TBC1D8: variants seen among roughly 807,000 people sequenced by gnomAD.
TBC1D8 encodes TBC1 domain family member 8, also known as BUB2-like protein 1.
TBC1D8 carries 65 observed loss-of-function variants against 118.8 expected under a neutral mutation model. The ratio of observed to expected loss-of-function variants is 0.55; its 90% CI spans 0.45 to 0.67. TBC1D8 has a LOEUF of 0.67. Among genes scored for constraint, TBC1D8 ranks in the 30% least tolerant of loss-of-function variants. The pLI is 0.00. For synonymous variants in TBC1D8, 566 were observed against 595.8 expected (o/e 0.95, Z 0.73); for missense variants, 1,376 against 1,471.2 (o/e 0.94, Z 1.06).
At chr2:101,099,040 C>T (rs776496542) in intron 1 of TBC1D8, among the ~76,000 whole-genome samples, 17 of 140,536 alleles carry the variant, frequency 1.2e-4, no homozygotes, top group South Asian at 4.4e-4. Flanking sequence ...GATAGAGACA[C>T]GAAAAACCAT....
chr2:101,028,111 G>A lies in TBC1D8; in HGVS notation c.2388C>T (p.His796=). The A allele has an allele frequency of 6.2e-7, 1 of 1,613,902 alleles. No individual in the cohort carries two copies. The highest frequency in any genetic ancestry group is 2.2e-5 in the East Asian group (1 of 44,862). ...FGDQSVEQIE[H]LRYKHRIRVL... ...CCCTGATCCTGTGCTTGTAACGTAGGTGCTCGATCTGCTCCACAGACTGGT... is the reference window on the plus strand; with the variant it reads ...CCCTGATCCTGTGCTTGTAACGTAGATGCTCGATCTGCTCCACAGACTGGT... The change falls in exon 14 of 20, where the codon CAC becomes CAT. Residue 796 remains histidine (H), a synonymous_variant. Transcript: ENST00000409318.
intron 1 of TBC1D8, among the ~76,000 whole-genome samples, chr2:101,107,581 T>C (rs1484569605): frequency 6.6e-6 from 1 of 152,190 alleles, no homozygotes; most frequent in Non-Finnish European, 1.5e-5. Flanking sequence ...TTCCTTGCTC[T>C]ATCAGGAAAA....
chr2:101,061,137 G>A (rs1024563676), intron 2 of TBC1D8, among the ~76,000 whole-genome samples: 5 of 135,988 alleles, frequency 3.7e-5, no homozygotes, highest in Non-Finnish European at 7.6e-5. Context: ...GCAGTGAGCC[G>A]AGATCACGCC....
chr2:101,113,818 C>T (rs1010656439), intron 1 of TBC1D8, among the ~76,000 whole-genome samples: 1 of 152,188 alleles, frequency 6.6e-6, no homozygotes, highest in African/African-American at 2.4e-5. Flanking sequence ...AAAACGGTTG[C>T]TCTGCGGCGG....
At chr2:101,117,997 C>T (rs1362815549) in intron 1 of TBC1D8, among the ~76,000 whole-genome samples, 1 of 151,672 alleles carries the variant, frequency 6.6e-6, no homozygotes, top group Non-Finnish European at 1.5e-5. Flanking sequence ...CAGTAACTTC[C>T]TCCTCCTTGA....
At chr2:101,059,588 T>A in intron 2 of TBC1D8, 49 bp from the exon 3 acceptor site, 1 of 1,409,980 alleles carries the variant, frequency 7.1e-7, no homozygotes, top group Non-Finnish European at 1.0e-6. Context: ...GCAATAGAAG[T>A]AATTCCTAGA....
intron 2 of TBC1D8, among the ~76,000 whole-genome samples, chr2:101,080,215 A>T (rs1675169854): frequency 6.6e-6 from 1 of 152,074 alleles, no homozygotes; most frequent in Non-Finnish European, 1.5e-5. Context: ...AGAAACGTGA[A>T]CCGCAGCACC....
At chr2:101,011,588 C>T (rs1194576482) in intron 17 of TBC1D8, 48 bp from the exon 18 acceptor site, 2 of 1,587,482 alleles carry the variant, frequency 1.3e-6, no homozygotes, top group African/African-American at 2.7e-5. Flanking sequence ...TCTGCCTTAC[C>T]AAAACTGACA....
At chr2:101,134,964 G>A (rs112509995) in intron 1 of TBC1D8, among the ~76,000 whole-genome samples, 21 of 152,304 alleles carry the variant, frequency 1.4e-4, no homozygotes, top group African/African-American at 4.8e-4. Flanking sequence ...ACAAGGTCAG[G>A]AGTTCAAGAC....
At chr2:101,089,928 A>T (rs1197891744) in intron 2 of TBC1D8, among the ~76,000 whole-genome samples, 2 of 150,320 alleles carry the variant, frequency 1.3e-5, no homozygotes, top group Non-Finnish European at 3.0e-5. Context: ...TGGTTTTTAA[A>T]AAAAAAAAAA....
At chr2:101,067,671 A>G (rs2310028) in intron 2 of TBC1D8, among the ~76,000 whole-genome samples, 116,239 of 152,118 alleles carry the variant, frequency 0.76, 45,251 homozygotes, top group Middle Eastern at 0.88. Context: ...TGCTGCTGGA[A>G]GGTCTTGCCT....
In TBC1D8 at chr2:101,007,843, T is replaced by A. The variant is rs372340498; in HGVS notation, c.3446A>T (p.Glu1149Val). The A allele has an allele frequency of 1.2e-6, 2 of 1,613,500 alleles. No individual in the cohort carries two copies. Among genetic ancestry groups the A allele is most frequent in the African/African-American group, 2.7e-5 (2 of 74,600 alleles). The change falls in exon 20 of 20, where the codon GAA (glutamate) becomes GTA (valine). Residue 1149 changes from glutamate (E) to valine (V), a missense_variant. Physicochemically the swap from Glu to Val is moderately radical, Grantham distance 121 (BLOSUM62 -2). Coordinates refer to ENST00000409318, the MANE Select transcript of TBC1D8 (RefSeq NM_001330348.2). ...TFEMSHQSQSELKLSNL is the reference protein window; with the variant it reads ...TFEMSHQSQSVLKLSNL ...TTGCTACAAGTTACTCAGCTTAAGT[T>A]CAGATTGTGATTGGTGGCTCATTTC...
intron 3 of TBC1D8, among the ~76,000 whole-genome samples, chr2:101,054,555 G>A (rs1682272688): frequency 1.3e-5 from 2 of 151,786 alleles, no homozygotes; most frequent in South Asian, 2.1e-4. Flanking sequence ...TGGCAGTCGG[G>A]GTCAGAAAAC....
At chr2:101,112,332 C>T (rs538561315) in intron 1 of TBC1D8, among the ~76,000 whole-genome samples, 1 of 152,298 alleles carries the variant, frequency 6.6e-6, no homozygotes, top group African/African-American at 2.4e-5. Context: ...CGAATCTATC[C>T]ACTTGGCCAT....
chr2:101,114,929 A>G (rs1677752452), intron 1 of TBC1D8, among the ~76,000 whole-genome samples: 1 of 152,208 alleles, frequency 6.6e-6, no homozygotes, highest in Admixed American at 6.5e-5. Context: ...AGTTGGCCCC[A>G]TGGTCCCTGG....
chr2:101,121,140 G>C (rs1300239480), intron 1 of TBC1D8, among the ~76,000 whole-genome samples: 6 of 152,060 alleles, frequency 3.9e-5, no homozygotes, highest in Non-Finnish European at 1.5e-5. Context: ...ATATCACTAA[G>C]GCGCTCTTTT....
chr2:101,054,829 C>T (rs891202097), intron 3 of TBC1D8, among the ~76,000 whole-genome samples: 26 of 150,880 alleles, frequency 1.7e-4, no homozygotes, highest in African/African-American at 4.9e-4. Flanking sequence ...ATCACAGGCA[C>T]GCACCACCAC....
At chr2:101,037,750 G>A in intron 7 of TBC1D8, 42 bp from the exon 8 acceptor site, 2 of 1,605,398 alleles carry the variant, frequency 1.2e-6, no homozygotes, top group Non-Finnish European at 1.7e-6. Flanking sequence ...GAGAGGAGAG[G>A]AGAAAATCAT....
chr2:101,007,953 T>C lies in TBC1D8; in HGVS notation c.3336A>G (p.Ser1112=). ...HILASLLTEQ[S]LVNFFEKPLD... ...GTGGCTTTTCAAAAAAGTTGACTAA[T>C]GACTGTTCAGTCAGAAGTGAAGCTA... is the stretch of plus-strand genomic sequence containing the variant. Residue 1112 remains serine (S), a synonymous_variant, in exon 20 of 20, where the codon TCA becomes TCG. Coordinates refer to ENST00000409318, the MANE Select transcript of TBC1D8 (RefSeq NM_001330348.2). 6.2e-7 allele frequency: 1 copy of C among 1,614,086 alleles called. No individual in the cohort carries two copies.
Sources: allele counts gnomAD v4.1 joint callset (sites outside exome capture counted in the v4.1 genomes callset), GRCh38; gene constraint gnomAD v4.1.1; transcripts MANE v1.5; gene names NCBI Gene and HGNC (gene_info 2026-07-23, HGNC 2026-07-21).